The following ADGRB3 variants were observed in gnomAD, a reference collection of about 807,000 sequenced individuals.
ADGRB3 encodes adhesion G protein-coupled receptor B3.
Under a neutral mutation model 193.4 loss-of-function variants are expected in ADGRB3, and 37 were observed. The observed-to-expected ratio is 0.19, with a 90% CI of 0.15 to 0.25. The LOEUF (loss-of-function observed/expected upper bound fraction) is 0.25. ADGRB3 is among the 10% of genes least tolerant of loss of function. ADGRB3 has a pLI of 1.00. For synonymous variants in ADGRB3, 690 were observed against 644.2 expected (o/e 1.07, Z -1.08); for missense variants, 1,637 against 1,852.9 (o/e 0.88, Z 2.14).
intron 3 of ADGRB3, among the ~76,000 whole-genome samples, chr6:68,896,171 C>T (rs561358720): frequency 6.6e-6 from 1 of 152,190 alleles, no homozygotes; most frequent in Admixed American, 6.6e-5. Context: ...TTAGACTTCT[C>T]TTAGAACTTG....
intron 3 of ADGRB3, among the ~76,000 whole-genome samples, chr6:68,828,661 G>GTGGC (rs1047944949): frequency 3.2e-5 from 2 of 61,562 alleles, no homozygotes; most frequent in African/African-American, 2.0e-4. Flanking sequence ...GTAAAACAAT[G>GTGGC]TGGCTAATAT....
intron 17 of ADGRB3, among the ~76,000 whole-genome samples, chr6:69,191,351 A>G (rs1260951012): frequency 6.6e-6 from 1 of 152,160 alleles, no homozygotes; most frequent in Non-Finnish European, 1.5e-5. Flanking sequence ...ATATATTTTC[A>G]TGGATTTTAG....
chr6:68,669,391 C>T (rs377435210), intron 3 of ADGRB3, among the ~76,000 whole-genome samples: 2 of 151,516 alleles, frequency 1.3e-5, no homozygotes, highest in South Asian at 2.1e-4. Context: ...CCCTCAATCC[C>T]CCACTACCCT....
At chr6:68,846,888 T>A (rs965379752) in intron 3 of ADGRB3, among the ~76,000 whole-genome samples, 1 of 152,032 alleles carries the variant, frequency 6.6e-6, no homozygotes, top group African/African-American at 2.4e-5. Context: ...GAATGGTAGA[T>A]CCGCTTGCAC....
intron 3 of ADGRB3, among the ~76,000 whole-genome samples, chr6:68,816,412 A>G (rs1032998813): frequency 3.3e-5 from 5 of 152,038 alleles, no homozygotes; most frequent in Non-Finnish European, 7.4e-5. Context: ...AATTAGCTCT[A>G]CAGGGGTGCA....
At chr6:69,243,510 G>C (rs1363132298) in intron 20 of ADGRB3, among the ~76,000 whole-genome samples, 1 of 150,044 alleles carries the variant, frequency 6.7e-6, no homozygotes, top group African/African-American at 2.4e-5. Context: ...ATCGCTAAAA[G>C]ATATGGGATA....
At chr6:69,199,995 G>A (rs1765386973) in intron 17 of ADGRB3, among the ~76,000 whole-genome samples, 1 of 152,010 alleles carries the variant, frequency 6.6e-6, no homozygotes, top group Admixed American at 6.6e-5. Flanking sequence ...AGATGAAAAA[G>A]CACATCGTTC....
chr6:69,031,624 T>TC, intron 13 of ADGRB3, among the ~76,000 whole-genome samples: 1 of 150,150 alleles, frequency 6.7e-6, no homozygotes, highest in Non-Finnish European at 1.5e-5. Flanking sequence ...CCTTTTTTTC[T>TC]TTTCCTTTCT....
intron 20 of ADGRB3, among the ~76,000 whole-genome samples, chr6:69,266,032 C>T (rs998127320): frequency 2.6e-5 from 4 of 151,936 alleles, no homozygotes; most frequent in African/African-American, 9.7e-5. Flanking sequence ...CTTACAAGAG[C>T]TTTCTTACAG....
At chr6:68,647,286 C>G (rs1768238824) in intron 3 of ADGRB3, among the ~76,000 whole-genome samples, 1 of 151,742 alleles carries the variant, frequency 6.6e-6, no homozygotes, top group African/African-American at 2.4e-5. Flanking sequence ...TATAATTTTT[C>G]TATATATTTT....
At chr6:68,716,728 A>G (rs1185741909) in intron 3 of ADGRB3, among the ~76,000 whole-genome samples, 2 of 151,588 alleles carry the variant, frequency 1.3e-5, no homozygotes, top group South Asian at 2.1e-4. Flanking sequence ...TGAAAGAGCT[A>G]ATTGTTAAAC....
chr6:69,285,843 C>T (rs1032682637), intron 20 of ADGRB3, among the ~76,000 whole-genome samples: 4 of 151,874 alleles, frequency 2.6e-5, no homozygotes, highest in African/African-American at 9.7e-5. Context: ...TTGACTCTGG[C>T]CTCTCTTCTT....
chr6:69,272,982 C>T (rs1420852653), intron 20 of ADGRB3, among the ~76,000 whole-genome samples: 1 of 152,136 alleles, frequency 6.6e-6, no homozygotes, highest in Non-Finnish European at 1.5e-5. Context: ...CTCACTGCAA[C>T]CTCCATTTCC....
In ADGRB3 at chr6:69,346,542, G is replaced by T. The variant is rs550662893; in HGVS notation, c.3459+7038G>T. Among the ~76,000 whole-genome samples, 4 of 152,166 alleles carry T rather than the reference G, an allele frequency of 2.6e-5. No individual in the cohort carries two copies. The East Asian group carries it at 7.7e-4, about 29-fold the overall frequency. ...ACAACTCTATCAAAAAGTGAGGAAA[G>T]GATATGAACAGACACTTTTCAAAAG... is the stretch of plus-strand genomic sequence containing the variant. On this transcript the variant is annotated intron_variant, in intron 26 of 31. Coordinates refer to ENST00000370598, the MANE Select transcript of ADGRB3 (RefSeq NM_001704.3).
intron 3 of ADGRB3, among the ~76,000 whole-genome samples, chr6:68,834,839 T>C (rs1768016599): frequency 6.6e-6 from 1 of 152,078 alleles, no homozygotes; most frequent in African/African-American, 2.4e-5. Context: ...GTTTATAAAG[T>C]AGAGTTCAAG....
chr6:68,852,835 C>A (rs1768434026), intron 3 of ADGRB3, among the ~76,000 whole-genome samples: 1 of 151,952 alleles, frequency 6.6e-6, no homozygotes, highest in African/African-American at 2.4e-5. Flanking sequence ...CCTCATCTCA[C>A]ATTAATTTTG....
chr6:68,921,221 G>T (rs1767034716), intron 3 of ADGRB3, among the ~76,000 whole-genome samples: 2 of 152,122 alleles, frequency 1.3e-5, no homozygotes, highest in Non-Finnish European at 2.9e-5. Context: ...AAGGAAGAGG[G>T]TCAGATGGGA....
intron 20 of ADGRB3, among the ~76,000 whole-genome samples, chr6:69,295,767 A>T (rs1311699040): frequency 6.6e-6 from 1 of 152,176 alleles, no homozygotes; most frequent in African/African-American, 2.4e-5. Flanking sequence ...TCACTGAACC[A>T]TTCTTAATGG....
chr6:68,809,607 T>C (rs10945143), intron 3 of ADGRB3, among the ~76,000 whole-genome samples: 39,791 of 152,122 alleles, frequency 0.26, 5,760 homozygotes, highest in East Asian at 0.65. Flanking sequence ...GATTTTTGTC[T>C]AGTGAAAAAC....
Sources: allele counts gnomAD v4.1 joint callset (sites outside exome capture counted in the v4.1 genomes callset), GRCh38; gene constraint gnomAD v4.1.1; transcripts MANE v1.5; gene names NCBI Gene and HGNC (gene_info 2026-07-23, HGNC 2026-07-21).